The following STAU2 variants were observed in gnomAD, a reference collection of about 807,000 sequenced individuals.
STAU2 encodes the protein staufen double-stranded RNA binding protein 2.
In STAU2, 20 loss-of-function variants were observed where a neutral mutation model predicts 65.9. The observed-to-expected ratio is 0.30, with a 90% CI of 0.21 to 0.44. The LOEUF (loss-of-function observed/expected upper bound fraction) is 0.44. Among genes scored for constraint, STAU2 ranks in the 20% least tolerant of loss-of-function variants. The pLI, the probability that STAU2 is intolerant of heterozygous loss-of-function variation, is 1.00. For missense variants in STAU2, 558 were observed against 683.9 expected (o/e 0.82, Z 2.05); for synonymous variants, 232 against 233.9 (o/e 0.99, Z 0.07).
chr8:73,697,284 G>A (rs1047347186), intron 4 of STAU2: 4 of 152,276 alleles, frequency 2.6e-5, no homozygotes, highest in South Asian at 4.1e-4. Context: ...CATATTTTAA[G>A]TGCTGAAGGA....
intron 6 of STAU2, among the ~76,000 whole-genome samples, chr8:73,665,570 G>A (rs1817174679): frequency 6.6e-6 from 1 of 152,132 alleles, no homozygotes; most frequent in Non-Finnish European, 1.5e-5. Context: ...GTTTCATACG[G>A]TTTAACCTCT....
intron 12 of STAU2, among the ~76,000 whole-genome samples, chr8:73,559,448 T>G (rs1586003675): frequency 1.3e-5 from 2 of 152,320 alleles, no homozygotes; most frequent in Admixed American, 1.3e-4. Context: ...GCTCACGGCC[T>G]TTGCCTAATG....
intron 9 of STAU2, among the ~76,000 whole-genome samples, chr8:73,609,478 A>G (rs950097664): frequency 6.6e-6 from 1 of 151,732 alleles, no homozygotes; most frequent in Non-Finnish European, 1.5e-5. Flanking sequence ...ATGGTTAAAC[A>G]CTGTCTCTAC....
At chr8:73,512,038 A>AT (rs1268633020) in intron 13 of STAU2, among the ~76,000 whole-genome samples, 1 of 152,116 alleles carries the variant, frequency 6.6e-6, no homozygotes, top group Non-Finnish European at 1.5e-5. Context: ...TTTCCTTGGC[A>AT]TTTTTATTGA....
At chr8:73,668,287 GAAC>G (rs1363638680) in intron 6 of STAU2, among the ~76,000 whole-genome samples, 1 of 152,078 alleles carries the variant, frequency 6.6e-6, no homozygotes, top group Non-Finnish European at 1.5e-5. Context: ...AAATGAGGAA[GAAC>G]AACACTAAAG....
At chr8:73,556,936 T>C (rs940933338) in intron 12 of STAU2, among the ~76,000 whole-genome samples, 1 of 150,834 alleles carries the variant, frequency 6.6e-6, no homozygotes, top group Non-Finnish European at 1.5e-5. Flanking sequence ...TCAATAAAGT[T>C]GTAAAAAAAA....
chr8:73,549,384 A>G (rs1382397518), intron 13 of STAU2, among the ~76,000 whole-genome samples: 1 of 152,180 alleles, frequency 6.6e-6, no homozygotes. Flanking sequence ...AAACAAGAAT[A>G]ACAGAACTGC....
At chr8:73,641,342 G>C (rs1220023151) in intron 6 of STAU2, among the ~76,000 whole-genome samples, 3 of 151,776 alleles carry the variant, frequency 2.0e-5, no homozygotes, top group South Asian at 4.2e-4. Context: ...TTGGGCAACA[G>C]AATGAGACCC....
chr8:73,473,682 G>C (rs1240135000), intron 13 of STAU2, among the ~76,000 whole-genome samples: 1 of 152,196 alleles, frequency 6.6e-6, no homozygotes, highest in Non-Finnish European at 1.5e-5. Context: ...ATTTGCCAGT[G>C]ATGCCACATG....
At chr8:73,599,427 C>T (rs574332189) in intron 10 of STAU2, among the ~76,000 whole-genome samples, 3 of 151,948 alleles carry the variant, frequency 2.0e-5, no homozygotes, top group East Asian at 1.9e-4. Context: ...TTTTAAAAAA[C>T]GAGCAGAAAA....
At chr8:73,526,860 G>A (rs1017542561) in intron 13 of STAU2, among the ~76,000 whole-genome samples, 6 of 152,084 alleles carry the variant, frequency 3.9e-5, no homozygotes, top group Non-Finnish European at 7.4e-5. Flanking sequence ...CTTTATTTCA[G>A]AAATAAACCT....
intron 6 of STAU2, chr8:73,653,706 T>A: frequency 5.2e-6 from 1 of 193,358 alleles, no homozygotes; most frequent in Middle Eastern, 5.1e-4. Context: ...AGTCTGGGCA[T>A]CAGAATTTTT....
chr8:73,558,557 T>G (rs558693640), intron 12 of STAU2, among the ~76,000 whole-genome samples: 9 of 152,316 alleles, frequency 5.9e-5, no homozygotes, highest in Non-Finnish European at 8.8e-5. Context: ...ATAAGCGAAC[T>G]TAGGAGAACC....
At chr8:73,545,676 C>T (rs1413784504) in intron 13 of STAU2, among the ~76,000 whole-genome samples, 1 of 147,596 alleles carries the variant, frequency 6.8e-6, no homozygotes, top group African/African-American at 2.5e-5. Flanking sequence ...GAGACAGAGT[C>T]TCACACTGTC....
At chr8:73,491,473 T>C (rs1448156977) in intron 13 of STAU2, among the ~76,000 whole-genome samples, 1 of 151,962 alleles carries the variant, frequency 6.6e-6, no homozygotes, top group Non-Finnish European at 1.5e-5. Flanking sequence ...CTGTGTGTAC[T>C]TGTGCACAAA....
intron 13 of STAU2, among the ~76,000 whole-genome samples, chr8:73,485,777 T>G (rs888738328): frequency 6.6e-6 from 1 of 152,098 alleles, no homozygotes; most frequent in African/African-American, 2.4e-5. Context: ...GAGGCTATAG[T>G]GAGCTGTAAT....
chr8:73,615,677 C>T lies in STAU2; in HGVS notation c.676G>A (p.Glu226Lys), dbSNP rs769386007. 6.8e-6 allele frequency: 11 copies of T among 1,612,784 alleles called. No homozygotes were observed. Among genetic ancestry groups the T allele is most frequent in the Non-Finnish European group, 9.3e-6 (11 of 1,179,030 alleles). The change falls in exon 8 of 15, where the codon GAG becomes AAG. Residue 226 changes from glutamate to lysine, a missense_variant and splice_region_variant. Glu to Lys is a moderately conservative substitution (Grantham distance 56). Coordinates refer to ENST00000524300, the MANE Select transcript of STAU2 (RefSeq NM_001164380.2). ...ALKRNMPVSFEVIKESGPPHM... is the reference protein window; with the variant it reads ...ALKRNMPVSFKVIKESGPPHM... ...GAAGATCTCTACCGAGTACATACCT[C>T]AAAACTGACAGGCATATTTCGCTTC...
chr8:73,688,247 G>A (rs1819081260), intron 5 of STAU2, among the ~76,000 whole-genome samples: 1 of 150,402 alleles, frequency 6.6e-6, no homozygotes, highest in Admixed American at 6.6e-5. Context: ...CGCGATCTTG[G>A]CTCACTGCAA....
At chr8:73,599,278 T>TTTTA (rs1325273987) in intron 10 of STAU2, among the ~76,000 whole-genome samples, 69 of 152,290 alleles carry the variant, frequency 4.5e-4, no homozygotes, top group African/African-American at 1.7e-3. Context: ...TAAATTTGAC[T>TTTTA]ACACTAAAAA....
Sources: allele counts gnomAD v4.1 joint callset (sites outside exome capture counted in the v4.1 genomes callset), GRCh38; gene constraint gnomAD v4.1.1; transcripts MANE v1.5; gene names NCBI Gene and HGNC (gene_info 2026-07-23, HGNC 2026-07-21).